Variants in FNDC3B observed in about 807,000 individuals in gnomAD.
The protein encoded by FNDC3B is fibronectin type III domain-containing protein 3B.
In FNDC3B, 12 loss-of-function variants were observed where a neutral mutation model predicts 151.5. The ratio of observed to expected loss-of-function variants is 0.08; its 90% CI spans 0.05 to 0.13. FNDC3B has a LOEUF of 0.13. Among genes scored for constraint, FNDC3B ranks in the 10% least tolerant of loss-of-function variants. The pLI, the probability that FNDC3B is intolerant of heterozygous loss-of-function variation, is 1.00. For missense variants in FNDC3B, 1,214 were observed against 1,505.3 expected (o/e 0.81, Z 3.20); for synonymous variants, 528 against 549.0 (o/e 0.96, Z 0.54).
At chr3:172,219,005 A>G (rs1446419135) in intron 3 of FNDC3B, among the ~76,000 whole-genome samples, 1 of 152,218 alleles carries the variant, frequency 6.6e-6, no homozygotes, top group Admixed American at 6.5e-5. Context: ...TAGAAAAACA[A>G]GAAGAACAGA....
At chr3:172,285,857 G>A in intron 6 of FNDC3B, 69 bp from the exon 7 acceptor site, 3 of 1,179,090 alleles carry the variant, frequency 2.5e-6, no homozygotes, top group Admixed American at 1.8e-5. Context: ...AAGGCCTTGG[G>A]GAAGGAACTT....
At chr3:172,085,356 C>T (rs1718495665) in intron 1 of FNDC3B, among the ~76,000 whole-genome samples, 1 of 152,114 alleles carries the variant, frequency 6.6e-6, no homozygotes, top group South Asian at 2.1e-4. Context: ...AAAGATCTGA[C>T]AACATGGCCT....
chr3:172,393,565 A>T (rs555851341), intron 25 of FNDC3B, among the ~76,000 whole-genome samples: 1 of 152,218 alleles, frequency 6.6e-6, no homozygotes, highest in Non-Finnish European at 1.5e-5. Flanking sequence ...TACATGGAAC[A>T]TTCTCCAGGA....
chr3:172,261,131 G>T (rs1261976321), intron 6 of FNDC3B, among the ~76,000 whole-genome samples: 1 of 152,208 alleles, frequency 6.6e-6, no homozygotes. Context: ...CATGTCTTCC[G>T]CATTCTGTGG....
At chr3:172,234,668 TAG>T (rs376199378) in intron 4 of FNDC3B, among the ~76,000 whole-genome samples, 5 of 152,340 alleles carry the variant, frequency 3.3e-5, no homozygotes, top group African/African-American at 9.6e-5. Flanking sequence ...TTGATTTTCA[TAG>T]TAGGATTGAC....
chr3:172,206,771 T>C lies in FNDC3B; in HGVS notation c.188-20100T>C, dbSNP rs1054198964. ...ACTTTATTGTGATGTTTTATGCAGT[T>C]TGTATAAACACCGACTGACTGAACT... On this transcript the variant is annotated intron_variant, in intron 3 of 25. Coordinates refer to ENST00000415807, the MANE Select transcript of FNDC3B (RefSeq NM_022763.4). 5.3e-4 allele frequency among the ~76,000 whole-genome samples: 80 copies of C among 152,112 alleles called. 1 individual carries two copies. The highest frequency in any genetic ancestry group is 1.8e-3 in the African/African-American group (74 of 41,420).
intron 23 of FNDC3B, among the ~76,000 whole-genome samples, chr3:172,375,457 G>A (rs1735083254): frequency 6.6e-6 from 1 of 152,166 alleles, no homozygotes; most frequent in Admixed American, 6.5e-5. Context: ...GTTTCACCCA[G>A]GAAAGAGCCT....
At chr3:172,066,222 G>A (rs1717489641) in intron 1 of FNDC3B, among the ~76,000 whole-genome samples, 2 of 152,310 alleles carry the variant, frequency 1.3e-5, no homozygotes, top group Admixed American at 6.5e-5. Flanking sequence ...ACGTTTGGGT[G>A]TTCAATATGG....
At chr3:172,336,909 A>G (rs1158393170) in intron 15 of FNDC3B, among the ~76,000 whole-genome samples, 1 of 88,884 alleles carries the variant, frequency 1.1e-5, no homozygotes, top group Non-Finnish European at 2.4e-5. Flanking sequence ...TCTCAGACGG[A>G]AAAAAAAAAA....
At chr3:172,091,873 G>GTGTGTGTGTGTGTGT (rs3221957) in intron 1 of FNDC3B, among the ~76,000 whole-genome samples, 5 of 124,756 alleles carry the variant, frequency 4.0e-5, no homozygotes, top group Non-Finnish European at 6.5e-5. Flanking sequence ...ACTTTACTGG[G>GTGTGTGTGTGTGTGT]GTGTGTGTGT....
At chr3:172,154,174 T>G (rs1427925413) in intron 3 of FNDC3B, among the ~76,000 whole-genome samples, 1 of 152,180 alleles carries the variant, frequency 6.6e-6, no homozygotes, top group Non-Finnish European at 1.5e-5. Flanking sequence ...CACAGAATTT[T>G]AGAGTGAGAT....
At position 172,378,312 on chromosome 3, in the gene FNDC3B, C is replaced by G. The variant is rs774826970; in HGVS notation, c.3051C>G (p.Val1017=). Reference sequence around the variant, plus strand: ...GAGGACCCAGCCACACCTACAAGGTCCAGAGACTGACGGAATTCACATGCT... The same window carrying G: ...GAGGACCCAGCCACACCTACAAGGTGCAGAGACTGACGGAATTCACATGCT... ...IYRGPSHTYK[V]QRLTEFTCYS... Residue 1017 remains valine, a synonymous_variant, in exon 24 of 26, where the codon GTC becomes GTG. Transcript: ENST00000415807. 1.9e-6 allele frequency: 3 copies of G among 1,613,644 alleles called. No individual in the cohort carries two copies. In the South Asian group the frequency reaches 3.3e-5, roughly 18 times the overall value.
chr3:172,226,451 A>G lies in FNDC3B; in HGVS notation c.188-420A>G, dbSNP rs143463620. Among the ~76,000 whole-genome samples the G allele has an allele frequency of 4.9e-3, 740 of 152,272 alleles. 7 individuals are homozygous for G. Among genetic ancestry groups the G allele is most frequent in the Middle Eastern group, 0.01 (3 of 294 alleles). ...ACTGAAAATCATAAATGCAAAGTCT[A>G]TAGGAGCTTTCTAAACCAGAATAAA... On this transcript the variant is annotated intron_variant, in intron 3 of 25. Transcript: ENST00000415807.
chr3:172,213,542 G>T (rs1725832321), intron 3 of FNDC3B, among the ~76,000 whole-genome samples: 1 of 152,202 alleles, frequency 6.6e-6, no homozygotes, highest in Non-Finnish European at 1.5e-5. Flanking sequence ...AGGGATTTAT[G>T]AGTTGCTCAT....
intron 3 of FNDC3B, among the ~76,000 whole-genome samples, chr3:172,180,845 C>A (rs969924270): frequency 1.2e-4 from 18 of 152,106 alleles, no homozygotes; most frequent in African/African-American, 4.3e-4. Flanking sequence ...TTCTTAGTAT[C>A]TTAGAGGTGG....
intron 25 of FNDC3B, among the ~76,000 whole-genome samples, chr3:172,383,282 A>T (rs1735550261): frequency 6.6e-6 from 1 of 152,168 alleles, no homozygotes; most frequent in African/African-American, 2.4e-5. Flanking sequence ...TTATTGGTGT[A>T]TAGGAATGCT....
chr3:172,083,047 T>G (rs1319750732), intron 1 of FNDC3B, among the ~76,000 whole-genome samples: 1 of 152,212 alleles, frequency 6.6e-6, no homozygotes, highest in Non-Finnish European at 1.5e-5. Flanking sequence ...AAGTGTGGTG[T>G]GTAAGCTTAC....
At chr3:172,230,879 G>T (rs1035692028) in intron 4 of FNDC3B, among the ~76,000 whole-genome samples, 1 of 152,208 alleles carries the variant, frequency 6.6e-6, no homozygotes, top group Non-Finnish European at 1.5e-5. Context: ...TAGTACATCT[G>T]CTTTGGAAAA....
At position 172,264,239 on chromosome 3, in the gene FNDC3B, C is replaced by A. The variant is rs1480626162; in HGVS notation, c.790+12698C>A. On this transcript the variant is annotated intron_variant, in intron 6 of 25. Transcript: ENST00000415807. ...TCGAACTCCTTGGGCTCAAGTGATT[C>A]TCCCGCCTCGGCCTACCAAAGGGCT... Among the ~76,000 whole-genome samples, 4 of 152,278 alleles carry A rather than the reference C, an allele frequency of 2.6e-5. No individual in the cohort carries two copies. The East Asian group carries it at 7.7e-4, about 29-fold the overall frequency.
Sources: allele counts gnomAD v4.1 joint callset (sites outside exome capture counted in the v4.1 genomes callset), GRCh38; gene constraint gnomAD v4.1.1; transcripts MANE v1.5; gene names NCBI Gene and HGNC (gene_info 2026-07-23, HGNC 2026-07-21).